MBOAT2: variants seen among roughly 807,000 people sequenced by gnomAD.
MBOAT2 encodes the protein membrane bound glycerophospholipid O-acyltransferase 2, also known as membrane-bound glycerophospholipid O-acyltransferase 2.
MBOAT2 carries 28 observed loss-of-function variants against 63.4 expected under a neutral mutation model. The observed-to-expected ratio is 0.44, with a 90% CI of 0.33 to 0.61. The LOEUF is 0.61. MBOAT2 is among the 20% of genes least tolerant of loss of function. The pLI, the probability that MBOAT2 is intolerant of heterozygous loss-of-function variation, is 0.03. For synonymous variants in MBOAT2, 211 were observed against 215.6 expected, an observed-to-expected ratio of 0.98 and a Z score of 0.19; for missense variants, 470 against 605.8, an observed-to-expected ratio of 0.78 and a Z score of 2.35.
At chr2:8,956,013 T>A (rs1669197059) in intron 2 of MBOAT2, among the ~76,000 whole-genome samples, 1 of 152,222 alleles carries the variant, frequency 6.6e-6, no homozygotes, top group Non-Finnish European at 1.5e-5. Context: ...ATTGCATACT[T>A]AATAGACCAG....
intron 7 of MBOAT2, among the ~76,000 whole-genome samples, chr2:8,875,419 G>T (rs1042074000): frequency 1.2e-4 from 18 of 152,162 alleles, no homozygotes; most frequent in Non-Finnish European, 2.5e-4. Context: ...TGAAGTGATA[G>T]AATATATACA....
intron 2 of MBOAT2, among the ~76,000 whole-genome samples, chr2:8,952,804 T>G (rs1265499306): frequency 6.6e-6 from 1 of 152,062 alleles, no homozygotes; most frequent in Non-Finnish European, 1.5e-5. Context: ...CCTCTGCTTT[T>G]GTTTTTTCCA....
At chr2:8,941,182 C>T (rs1388361375) in intron 3 of MBOAT2, among the ~76,000 whole-genome samples, 1 of 152,064 alleles carries the variant, frequency 6.6e-6, no homozygotes, top group East Asian at 1.9e-4. Flanking sequence ...AAAATATGTA[C>T]TTTTCAAATT....
chr2:8,912,678 T>A (rs1326614638), intron 3 of MBOAT2, among the ~76,000 whole-genome samples: 1 of 152,152 alleles, frequency 6.6e-6, no homozygotes, highest in Non-Finnish European at 1.5e-5. Flanking sequence ...AAAACACTGC[T>A]GAAGGAAATC....
At chr2:8,976,363 T>A (rs141705618) in intron 1 of MBOAT2, among the ~76,000 whole-genome samples, 1 of 152,178 alleles carries the variant, frequency 6.6e-6, no homozygotes, top group East Asian at 1.9e-4. Flanking sequence ...TACACTCTCC[T>A]ATGAAATTAA....
chr2:8,939,443 C>T (rs573061356), intron 3 of MBOAT2, among the ~76,000 whole-genome samples: 5 of 152,164 alleles, frequency 3.3e-5, no homozygotes, highest in Non-Finnish European at 5.9e-5. Context: ...TGGCATCAAC[C>T]GCAGTGGGAG....
At chr2:8,987,273 C>T (rs1221065311) in intron 1 of MBOAT2, among the ~76,000 whole-genome samples, 1 of 152,104 alleles carries the variant, frequency 6.6e-6, no homozygotes, top group East Asian at 1.9e-4. Context: ...ATATTATGAC[C>T]AAAGTCCTCC....
chr2:8,925,973 C>T (rs1460559000), intron 3 of MBOAT2, among the ~76,000 whole-genome samples: 1 of 152,150 alleles, frequency 6.6e-6, no homozygotes, highest in African/African-American at 2.4e-5. Context: ...AGTGTTATTA[C>T]TCCAATTTAC....
At chr2:8,950,413 C>T (rs941523315) in intron 2 of MBOAT2, among the ~76,000 whole-genome samples, 2 of 152,026 alleles carry the variant, frequency 1.3e-5, no homozygotes, top group African/African-American at 2.4e-5. Context: ...CAAGGAAATG[C>T]TTCCAGTTTG....
chr2:8,942,177 C>G (rs1156469634), intron 3 of MBOAT2, among the ~76,000 whole-genome samples: 1 of 152,122 alleles, frequency 6.6e-6, no homozygotes, highest in South Asian at 2.1e-4. Context: ...ATGGAGGAGA[C>G]AGTACACATT....
chr2:8,886,886 T>C (rs912333773), intron 5 of MBOAT2, among the ~76,000 whole-genome samples: 7 of 152,230 alleles, frequency 4.6e-5, no homozygotes, highest in African/African-American at 1.7e-4. Context: ...TTACCTACAG[T>C]GTTTCCTAGT....
chr2:8,924,530 T>C (rs909500442), intron 3 of MBOAT2, among the ~76,000 whole-genome samples: 2 of 152,198 alleles, frequency 1.3e-5, no homozygotes, highest in African/African-American at 4.8e-5. Context: ...GGGATTTTGT[T>C]TGTTCTTTTG....
At chr2:8,942,701 G>T (rs547041204) in intron 3 of MBOAT2, among the ~76,000 whole-genome samples, 1 of 152,246 alleles carries the variant, frequency 6.6e-6, no homozygotes, top group Admixed American at 6.5e-5. Context: ...TCCTCAAGCT[G>T]GAAACACGGA....
At chr2:8,887,886 TTAAGTA>T in intron 5 of MBOAT2, 126 bp downstream of exon 5, 2 of 819,184 alleles carry the variant, frequency 2.4e-6, no homozygotes, top group South Asian at 1.4e-5. Context: ...CTAAGCACAG[TTAAGTA>T]TATTTCCCTA....
intron 1 of MBOAT2, among the ~76,000 whole-genome samples, chr2:8,989,456 C>T (rs1439022815): frequency 6.6e-6 from 1 of 151,964 alleles, no homozygotes; most frequent in Non-Finnish European, 1.5e-5. Flanking sequence ...ATAAGTACAC[C>T]AATACTGCAA....
rs1661165457 is a variant in MBOAT2 at position 8,857,326 on chromosome 2, C to T, written c.*1353G>A. The T allele has an allele frequency of 6.6e-6, 1 of 152,664 alleles. No homozygotes were observed. Among genetic ancestry groups the T allele is most frequent in the South Asian group, 2.1e-4 (1 of 4,838 alleles). The allele number at this position is 152,664 out of a possible 1,614,324, so 9.5% of individuals were successfully genotyped here. A position where few individuals can be genotyped will look rare whatever the true frequency, so the allele number is the denominator to read the frequency against. On this transcript the variant is annotated 3_prime_UTR_variant, in exon 13 of 13. Transcript: ENST00000305997. ...CTGAGGCCACTCCACTGCCTGGCAT[C>T]AAATCCCACTCTTCTGCTTTCAGCT...
chr2:8,984,163 C>T (rs2103344174), intron 1 of MBOAT2, among the ~76,000 whole-genome samples: 1 of 152,236 alleles, frequency 6.6e-6, no homozygotes, highest in East Asian at 1.9e-4. Flanking sequence ...CACAAAAAGA[C>T]AAACACTATA....
chr2:8,971,317 C>T (rs1448552302), intron 1 of MBOAT2, among the ~76,000 whole-genome samples: 1 of 152,222 alleles, frequency 6.6e-6, no homozygotes, highest in African/African-American at 2.4e-5. Flanking sequence ...AATTCAACAG[C>T]CCTTCGTGCT....
chr2:8,998,640 G>T (rs1672475302), intron 1 of MBOAT2, among the ~76,000 whole-genome samples: 1 of 151,692 alleles, frequency 6.6e-6, no homozygotes, highest in Non-Finnish European at 1.5e-5. Context: ...ATATAGAAAA[G>T]ATCAGTCAAT....
Sources: allele counts gnomAD v4.1 joint callset (sites outside exome capture counted in the v4.1 genomes callset), GRCh38; gene constraint gnomAD v4.1.1; transcripts MANE v1.5; gene names NCBI Gene and HGNC (gene_info 2026-07-23, HGNC 2026-07-21).